Variants in ATRX observed in about 807,000 individuals in gnomAD.
ATRX encodes chromatin remodeler ATRX.
ATRX carries 12 observed loss-of-function variants against 172.6 expected under a neutral mutation model. The ratio of observed to expected loss-of-function variants is 0.07; its 90% CI spans 0.04 to 0.11. ATRX has a LOEUF of 0.11. Among genes scored for constraint, ATRX ranks in the 10% least tolerant of loss-of-function variants. The pLI, the probability that ATRX is intolerant of heterozygous loss-of-function variation, is 1.00. For synonymous variants in ATRX, 674 were observed against 594.7 expected, an observed-to-expected ratio of 1.13 and a Z score of -1.94; for missense variants, 1,368 against 1,767.4, an observed-to-expected ratio of 0.77 and a Z score of 4.05.
At chrX:77,615,666 C>T (rs1557096343) in intron 22 of ATRX, among the ~76,000 whole-genome samples, 1 of 111,307 alleles carries the variant, frequency 9.0e-6, no homozygotes, top group African/African-American at 3.3e-5. Context: ...AAAGCAGTTC[C>T]ATAAAATACT....
At chrX:77,692,972 G>A (rs564813466) in intron 6 of ATRX, among the ~76,000 whole-genome samples, 4 of 108,529 alleles carry the variant, frequency 3.7e-5, no homozygotes, top group Non-Finnish European at 5.7e-5. Flanking sequence ...CTGCAGCCTC[G>A]ATCACCTGGG....
chrX:77,775,757 C>T (rs782698926), intron 1 of ATRX, among the ~76,000 whole-genome samples: 17 of 98,515 alleles, frequency 1.7e-4, no homozygotes, highest in African/African-American at 5.1e-4. Context: ...ATTTTTGAAA[C>T]GGAATCTCAT....
At position 77,600,429 on chromosome X, in the gene ATRX, C is replaced by T. The variant is rs2148155772; in HGVS notation, c.5697+5G>A. 1 of 1,209,972 alleles carries T rather than the reference C, an allele frequency of 8.3e-7. No homozygotes were observed. Among genetic ancestry groups the T allele is most frequent in the Non-Finnish European group, 1.1e-6 (1 of 894,274 alleles). On this transcript the variant is annotated splice_donor_5th_base_variant and intron_variant, in intron 23 of 34. Transcript: ENST00000373344. ...GATGCTTTTAAACTAAGTTACCTGA[C>T]TTACCTTATTTTCTTTGCTAATGTA...
At chrX:77,604,417 C>G (rs782326420) in intron 22 of ATRX, among the ~76,000 whole-genome samples, 5 of 112,142 alleles carry the variant, frequency 4.5e-5, no homozygotes, top group Non-Finnish European at 9.4e-5. Context: ...CACTAAACGT[C>G]AGAAAAATGC....
chrX:77,657,804 C>T (rs1487848290), intron 12 of ATRX, among the ~76,000 whole-genome samples: 3 of 111,676 alleles, frequency 2.7e-5, no homozygotes, highest in Non-Finnish European at 5.6e-5. Context: ...AAAGTATCTC[C>T]CAACAAAATA....
intron 1 of ATRX, among the ~76,000 whole-genome samples, chrX:77,764,725 T>C (rs1238297795): frequency 1.8e-5 from 2 of 112,037 alleles, no homozygotes; most frequent in African/African-American, 3.2e-5. Flanking sequence ...TTCTTTCTAG[T>C]AGTTAACCTA....
At chrX:77,701,106 C>T (rs558820801) in intron 2 of ATRX, among the ~76,000 whole-genome samples, 20 of 112,425 alleles carry the variant, frequency 1.8e-4, no homozygotes, top group South Asian at 1.1e-3. Context: ...AACTCTCTTA[C>T]GGAATGCTGA....
intron 19 of ATRX, among the ~76,000 whole-genome samples, chrX:77,632,599 AATATG>A (rs1334853730): frequency 1.8e-5 from 2 of 112,406 alleles, no homozygotes; most frequent in Non-Finnish European, 3.8e-5. Flanking sequence ...TAGTGTCTTA[AATATG>A]ATATGACAAG....
chrX:77,531,618 G>T (rs1233477213), intron 30 of ATRX, among the ~76,000 whole-genome samples: 2 of 111,955 alleles, frequency 1.8e-5, no homozygotes, highest in African/African-American at 6.5e-5. Context: ...ACTAGGCATT[G>T]AAGGAACATA....
intron 1 of ATRX, among the ~76,000 whole-genome samples, chrX:77,761,309 G>A (rs1054146062): frequency 5.4e-5 from 6 of 111,101 alleles, no homozygotes; most frequent in Admixed American, 9.7e-5. Flanking sequence ...AGGCAGAGGC[G>A]GGCAGATTGC....
At chrX:77,749,157 T>G (rs1557186402) in intron 1 of ATRX, among the ~76,000 whole-genome samples, 2 of 111,218 alleles carry the variant, frequency 1.8e-5, no homozygotes, top group Non-Finnish European at 3.8e-5. Context: ...TCTACTCTAT[T>G]CTATGTGTAA....
intron 22 of ATRX, among the ~76,000 whole-genome samples, chrX:77,601,448 C>T (rs1351070965): frequency 2.8e-5 from 3 of 106,458 alleles, no homozygotes; most frequent in South Asian, 4.4e-4. Flanking sequence ...ACAGCACTCC[C>T]GCCTGGATGA....
chrX:77,635,802 C>A, intron 16 of ATRX, 113 bp downstream of exon 16: 1 of 678,133 alleles, frequency 1.5e-6, no homozygotes, highest in Non-Finnish European at 2.2e-6. Context: ...GGATTCCCCA[C>A]CCCACTCACC....
chrX:77,725,415 C>G (rs782500753), intron 1 of ATRX, among the ~76,000 whole-genome samples: 1 of 111,771 alleles, frequency 8.9e-6, no homozygotes, highest in East Asian at 2.8e-4. Flanking sequence ...AACTGGCTAG[C>G]CATATGGAGA....
At chrX:77,532,877 C>T (rs1421148614) in intron 30 of ATRX, among the ~76,000 whole-genome samples, 9 of 111,701 alleles carry the variant, frequency 8.1e-5, no homozygotes, top group Non-Finnish European at 1.7e-4. Context: ...TGGAAGAAAA[C>T]GTTTGCAATC....
At chrX:77,585,583 C>CAAAAAAAAAAAAAAAAAAAAAAAAAA (rs781792876) in intron 27 of ATRX, among the ~76,000 whole-genome samples, 1 of 8,553 alleles carries the variant, frequency 1.2e-4, no homozygotes, top group African/African-American at 3.7e-4. Context: ...CTCCCCCCAC[C>CAAAAAAAAAAAAAAAAAAAAAAAAAA]AAAAAAAAAA....
rs1199174183 is a variant in ATRX at position 77,718,462 on chromosome X, C to T, written c.21-1219G>A. Among the ~76,000 whole-genome samples, 4 of 106,106 alleles carry T rather than the reference C, an allele frequency of 3.8e-5. No individual in the cohort carries two copies. The East Asian group carries it at 1.2e-3, about 32-fold the overall frequency. The allele number at this position is 106,106 out of a possible 115,157, so 92.1% of individuals were successfully genotyped here. Reference sequence around the variant, plus strand: ...GATCTTGGCTCACTGCAAGCTCTGCCTCCCGGGTTCACACCATTCTCCGGC... The same window carrying T: ...GATCTTGGCTCACTGCAAGCTCTGCTTCCCGGGTTCACACCATTCTCCGGC... On this transcript the variant is annotated intron_variant, in intron 1 of 34. Coordinates refer to ENST00000373344, the MANE Select transcript of ATRX (RefSeq NM_000489.6).
chrX:77,557,957 AC>A (rs781981302), intron 29 of ATRX, among the ~76,000 whole-genome samples: 2 of 111,761 alleles, frequency 1.8e-5, no homozygotes, highest in South Asian at 7.4e-4. Flanking sequence ...ACCAGAGTAA[AC>A]AGAAATAAAG....
chrX:77,689,596 T>A (rs1482799971), intron 6 of ATRX, among the ~76,000 whole-genome samples: 1 of 112,064 alleles, frequency 8.9e-6, no homozygotes. Context: ...TCAGAACGAC[T>A]GGGGGAAAAA....
Sources: allele counts gnomAD v4.1 joint callset (sites outside exome capture counted in the v4.1 genomes callset), GRCh38; gene constraint gnomAD v4.1.1; transcripts MANE v1.5; gene names NCBI Gene and HGNC (gene_info 2026-07-23, HGNC 2026-07-21).